The following PDK1 variants were observed in gnomAD, a reference collection of about 807,000 sequenced individuals.
PDK1 encodes the protein pyruvate dehydrogenase kinase 1.
Under a neutral mutation model 54.2 loss-of-function variants are expected in PDK1, and 39 were observed. The ratio of observed to expected loss-of-function variants is 0.72; its 90% CI spans 0.56 to 0.94. The LOEUF (loss-of-function observed/expected upper bound fraction) is 0.94. Among genes scored for constraint, PDK1 ranks in the 40% least tolerant of loss-of-function variants. The probability of loss-of-function intolerance (pLI) is 0.00; values close to 1 mark genes in which losing one functional copy is unlikely to be tolerated. For missense variants in PDK1, 552 were observed against 566.0 expected (o/e 0.98, Z 0.25); for synonymous variants, 221 against 207.1 (o/e 1.07, Z -0.58).
At chr2:172,630,658 C>A in the PDK1 span, among the ~76,000 whole-genome samples, 1 of 149,644 alleles carries the variant, frequency 6.7e-6, no homozygotes, top group South Asian at 2.1e-4. Flanking sequence ...GAGACAGGGC[C>A]TCATTCTGTC....
At chr2:172,568,159 CGT>C (rs1288982760) in intron 6 of PDK1, among the ~76,000 whole-genome samples, 2 of 151,710 alleles carry the variant, frequency 1.3e-5, no homozygotes, top group East Asian at 3.9e-4. Flanking sequence ...TGGTGAAACC[CGT>C]CTCTACTAAA....
At chr2:172,671,221 T>C in the PDK1 span, among the ~76,000 whole-genome samples, 1 of 151,740 alleles carries the variant, frequency 6.6e-6, no homozygotes, top group Non-Finnish European at 1.5e-5. Context: ...TCCTAGTCTT[T>C]GTTAAATCTA....
rs1289243734 is a variant in PDK1 at position 172,605,428 on chromosome 2, T to C, written c.*9459T>C. On this transcript the variant is annotated 3_prime_UTR_variant, in exon 11 of 11. Transcript: ENST00000282077. ...TCTTGCTCTTTTGCCCAGGCCAGAG[T>C]GTAGTGGTGTGATCTCAGCTCAGTG... is the stretch of plus-strand genomic sequence containing the variant. 7.3e-6 allele frequency: 1 copy of C among 136,452 alleles called. No homozygotes were observed. 8.5% of individuals were successfully genotyped at this position (136,452 alleles called of 1,614,324 possible). A position where few individuals can be genotyped will look rare whatever the true frequency, so the allele number is the denominator to read the frequency against.
intron 5 of PDK1, 65 bp from the exon 6 acceptor site, chr2:172,566,791 T>C: frequency 1.0e-6 from 1 of 995,084 alleles, no homozygotes; most frequent in Non-Finnish European, 1.6e-6. Flanking sequence ...ACCATTGCCA[T>C]CTTAATGCGT....
At chr2:172,629,113 A>G in the PDK1 span, among the ~76,000 whole-genome samples, 1 of 152,172 alleles carries the variant, frequency 6.6e-6, no homozygotes, top group South Asian at 2.1e-4. Context: ...CCTGGGCAAC[A>G]GAGCAAGACC....
chr2:172,701,958 G>A, the PDK1 span, among the ~76,000 whole-genome samples: 1 of 151,970 alleles, frequency 6.6e-6, no homozygotes, highest in African/African-American at 2.4e-5. Flanking sequence ...GTGTTGATTT[G>A]TTGACAATGT....
At chr2:172,587,269 C>T (rs1304455006) in intron 9 of PDK1, among the ~76,000 whole-genome samples, 1 of 152,198 alleles carries the variant, frequency 6.6e-6, no homozygotes, top group Non-Finnish European at 1.5e-5. Context: ...TCTGGAGTTT[C>T]TTCCTCCCGG....
At chr2:172,641,511 G>A in the PDK1 span, among the ~76,000 whole-genome samples, 9 of 150,132 alleles carry the variant, frequency 6.0e-5, no homozygotes, top group Admixed American at 6.0e-4. Context: ...GCACAATCTC[G>A]GCTCACTGCA....
At chr2:172,641,010 CTT>C in the PDK1 span, among the ~76,000 whole-genome samples, 12 of 22,726 alleles carry the variant, frequency 5.3e-4, no homozygotes, top group South Asian at 0.07. Context: ...TCTTTTCTTT[CTT>C]TCTTTCTTTT....
downstream of PDK1, among the ~76,000 whole-genome samples, chr2:172,610,115 C>G (rs1366114783): frequency 6.6e-6 from 1 of 152,074 alleles, no homozygotes; most frequent in Non-Finnish European, 1.5e-5. Context: ...AGCCTCTGCA[C>G]CAAGCCAGCA....
the PDK1 span, among the ~76,000 whole-genome samples, chr2:172,709,019 A>C: frequency 1.3e-5 from 2 of 152,144 alleles, no homozygotes; most frequent in Non-Finnish European, 2.9e-5. Flanking sequence ...CAGCTGATAA[A>C]GAGATTTGTT....
At chr2:172,678,666 T>G in the PDK1 span, among the ~76,000 whole-genome samples, 1 of 152,222 alleles carries the variant, frequency 6.6e-6, no homozygotes, top group Non-Finnish European at 1.5e-5. Context: ...ATGTATTTGA[T>G]TCTTTCCCCA....
chr2:172,715,525 C>T, the PDK1 span, among the ~76,000 whole-genome samples: 1 of 152,128 alleles, frequency 6.6e-6, no homozygotes, highest in South Asian at 2.1e-4. Flanking sequence ...CGACACAAAG[C>T]CTGCCTAGGA....
At chr2:172,711,710 T>A in the PDK1 span, among the ~76,000 whole-genome samples, 24 of 151,278 alleles carry the variant, frequency 1.6e-4, no homozygotes, top group Non-Finnish European at 2.9e-4. Flanking sequence ...ACATAAAAAT[T>A]AAAAAATTAG....
rs566170964 is a variant in PDK1 at position 172,601,863 on chromosome 2, A to T, written c.*5894A>T. ...TTTAGATTTTTTTTTAAAGGACATA[A>T]CTACCAATAGAGATTTAAAATAATC... On this transcript the variant is annotated 3_prime_UTR_variant, in exon 11 of 11. Coordinates refer to ENST00000282077, the MANE Select transcript of PDK1 (RefSeq NM_002610.5). 6.6e-6 allele frequency: 1 copy of T among 152,296 alleles called. No individual in the cohort carries two copies. Among genetic ancestry groups the T allele is most frequent in the African/African-American group, 2.4e-5 (1 of 41,558 alleles). 9.4% of individuals were successfully genotyped at this position (152,296 alleles called of 1,614,324 possible).
At chr2:172,621,886 T>C in the PDK1 span, among the ~76,000 whole-genome samples, 1 of 144,448 alleles carries the variant, frequency 6.9e-6, no homozygotes, top group African/African-American at 2.5e-5. Context: ...TATGTTTATA[T>C]CTCATATGTA....
the PDK1 span, among the ~76,000 whole-genome samples, chr2:172,672,870 T>A: frequency 6.6e-6 from 1 of 151,900 alleles, no homozygotes; most frequent in East Asian, 1.9e-4. Context: ...TAGCTCTATT[T>A]ACAAATGTTA....
At chr2:172,661,281 C>T in the PDK1 span, among the ~76,000 whole-genome samples, 1 of 152,034 alleles carries the variant, frequency 6.6e-6, no homozygotes, top group East Asian at 1.9e-4. Flanking sequence ...TCAAACACAG[C>T]CATTATTTAA....
intron 8 of PDK1, among the ~76,000 whole-genome samples, chr2:172,583,319 CAG>C (rs1473319822): frequency 1.1e-5 from 1 of 92,182 alleles, no homozygotes; most frequent in Non-Finnish European, 1.8e-5. Flanking sequence ...TTTTACTGAG[CAG>C]AGTCTCGCTC....
Sources: allele counts gnomAD v4.1 joint callset (sites outside exome capture counted in the v4.1 genomes callset), GRCh38; gene constraint gnomAD v4.1.1; transcripts MANE v1.5; gene names NCBI Gene and HGNC (gene_info 2026-07-23, HGNC 2026-07-21).